The following PPARG variants were observed in gnomAD, a reference collection of about 807,000 sequenced individuals.
PPARG encodes peroxisome proliferator-activated receptor gamma.
PPARG carries 17 observed loss-of-function variants against 39.2 expected under a neutral mutation model. That is an observed-to-expected ratio of 0.43 (90% CI 0.30 to 0.65). PPARG has a LOEUF of 0.65. Among genes scored for constraint, PPARG ranks in the 30% least tolerant of loss-of-function variants. PPARG has a pLI of 0.13. For missense variants in PPARG, 406 were observed against 585.9 expected (o/e 0.69, Z 3.17); for synonymous variants, 223 against 215.7 (o/e 1.03, Z -0.30).
At chr3:12,290,930 C>T (rs1251356703) in intron 1 of PPARG, among the ~76,000 whole-genome samples, 1 of 152,188 alleles carries the variant, frequency 6.6e-6, no homozygotes, top group Non-Finnish European at 1.5e-5. Flanking sequence ...CTGGCCCACA[C>T]TTTCACTTCT....
chr3:12,299,770 A>G (rs907297500), intron 1 of PPARG, among the ~76,000 whole-genome samples: 1 of 152,194 alleles, frequency 6.6e-6, no homozygotes, highest in Non-Finnish European at 1.5e-5. Flanking sequence ...GTTCATGGAG[A>G]CTGTCCCATT....
intron 7 of PPARG, among the ~76,000 whole-genome samples, chr3:12,421,707 C>T (rs1229596520): frequency 1.3e-5 from 2 of 152,318 alleles, no homozygotes; most frequent in East Asian, 3.9e-4. Flanking sequence ...AGGCAAATTG[C>T]CATCGCCGTC....
chr3:12,313,794 T>A (rs2047315088), intron 2 of PPARG, among the ~76,000 whole-genome samples: 1 of 152,190 alleles, frequency 6.6e-6, no homozygotes, highest in Non-Finnish European at 1.5e-5. Flanking sequence ...TAATCTGATT[T>A]ATAAATAAAA....
rs117769811 is a variant in PPARG, at chr3:12,358,955, A to G, written c.-8-20749A>G. On this transcript the variant is annotated intron_variant, in intron 2 of 7. Coordinates refer to ENST00000651735, the MANE Select transcript of PPARG (RefSeq NM_138711.6). ...TGTACCTTTTTCTTGGGATTTCAAT[A>G]TGAATGACCATCCAAATCTTGATCA... is the stretch of plus-strand genomic sequence containing the variant. 2.6e-5 allele frequency among the ~76,000 whole-genome samples: 4 copies of G among 152,338 alleles called. No individual in the cohort carries two copies. The East Asian group carries it at 5.8e-4, about 22-fold the overall frequency.
intron 2 of PPARG, among the ~76,000 whole-genome samples, chr3:12,337,192 A>G (rs1013344445): frequency 3.3e-5 from 5 of 152,238 alleles, no homozygotes; most frequent in Non-Finnish European, 7.3e-5. Context: ...TCATTGTGTT[A>G]CAGCATAAGA....
intron 2 of PPARG, among the ~76,000 whole-genome samples, chr3:12,350,303 C>A (rs1198057363): frequency 6.6e-6 from 1 of 152,146 alleles, no homozygotes; most frequent in Non-Finnish European, 1.5e-5. Flanking sequence ...TCAACTCCCC[C>A]ACTTTATTCC....
chr3:12,343,540 A>G (rs1214112064), intron 2 of PPARG, among the ~76,000 whole-genome samples: 1 of 152,202 alleles, frequency 6.6e-6, no homozygotes, highest in African/African-American at 2.4e-5. Flanking sequence ...GCCTCAAGTC[A>G]GTGGCGAGTA....
chr3:12,302,630 T>A (rs1350227490), intron 1 of PPARG, among the ~76,000 whole-genome samples: 1 of 152,016 alleles, frequency 6.6e-6, no homozygotes, highest in Non-Finnish European at 1.5e-5. Flanking sequence ...TAAGGGAAGG[T>A]TTGCAGAGAT....
At position 12,339,787 on chromosome 3, in the gene PPARG, A is replaced by C. The variant is rs145624937; in HGVS notation, c.-9+27334A>C. Among the ~76,000 whole-genome samples, 24 of 152,312 alleles carry C rather than the reference A, an allele frequency of 1.6e-4. No homozygotes were observed. The East Asian group carries it at 4.4e-3, about 28-fold the overall frequency. ...TTGCACACATGAGAGTCGCATCCTC[A>C]CATTTCTGTTATCTGTGAATCTCTA... On this transcript the variant is annotated intron_variant, in intron 2 of 7. Transcript: ENST00000651735.
intron 7 of PPARG, among the ~76,000 whole-genome samples, chr3:12,429,041 G>A (rs1301442392): frequency 6.6e-6 from 1 of 152,206 alleles, no homozygotes. Context: ...TGTAGAATAT[G>A]CAACTTTTCT....
intron 1 of PPARG, among the ~76,000 whole-genome samples, chr3:12,298,410 C>A (rs1559483749): frequency 6.7e-6 from 1 of 150,020 alleles, no homozygotes; most frequent in Non-Finnish European, 1.5e-5. Context: ...TAGACACACA[C>A]ACACACACAC....
At position 12,420,609 on chromosome 3, in the gene PPARG, C is replaced by T. The variant is rs768340935; in HGVS notation, c.1180+3455C>T. Among the ~76,000 whole-genome samples, 15 of 146,106 alleles carry T rather than the reference C, an allele frequency of 1.0e-4. No individual in the cohort carries two copies. In the South Asian group the frequency reaches 2.1e-3, roughly 20 times the overall value. On this transcript the variant is annotated intron_variant, in intron 7 of 7. Coordinates refer to ENST00000651735, the MANE Select transcript of PPARG (RefSeq NM_138711.6). ...CTAAAAGAAAGATGAGCAAGATGTG[C>T]GTCATCTAAGAGTGGGCGGGGGTAA...
intron 7 of PPARG, among the ~76,000 whole-genome samples, chr3:12,425,727 A>T (rs984644286): frequency 3.9e-5 from 6 of 152,168 alleles, no homozygotes; most frequent in African/African-American, 1.2e-4. Context: ...GGGACTGCAG[A>T]TGGCTCCCCT....
chr3:12,343,182 G>A (rs778177165), intron 2 of PPARG, among the ~76,000 whole-genome samples: 4 of 152,092 alleles, frequency 2.6e-5, no homozygotes, highest in African/African-American at 4.8e-5. Context: ...ATCCCAAAAC[G>A]TCCCACAGGT....
intron 1 of PPARG, among the ~76,000 whole-genome samples, chr3:12,294,281 C>G (rs1431779574): frequency 6.6e-6 from 1 of 152,194 alleles, no homozygotes; most frequent in Non-Finnish European, 1.5e-5. Context: ...AGTCGCAGAT[C>G]TTCCTTGAAC....
At position 12,392,674 on chromosome 3, in the gene PPARG, C is replaced by G. The variant is rs753857970; in HGVS notation, c.451C>G (p.Arg151Gly). Residue 151 changes from arginine to glycine, a missense_variant, in exon 5 of 8, where the codon CGG (arginine) becomes GGG (glycine). Arg to Gly is a moderately radical substitution (Grantham distance 125, BLOSUM62 -2). Coordinates refer to ENST00000651735, the MANE Select transcript of PPARG (RefSeq NM_138711.6). The part of the protein sequence containing the change: ...LIYDRCDLNC[R>G]IHKKSRNKCQ... ...CTATGACAGATGTGATCTTAACTGT[C>G]GGATCCACAAAAAAAGTAGAAATAA... The G allele has an allele frequency of 1.2e-6, 2 of 1,613,736 alleles. No individual in the cohort carries two copies. The highest frequency in any genetic ancestry group is 1.7e-6 in the Non-Finnish European group (2 of 1,179,762).
At chr3:12,370,803 CATATGT>C (rs939620886) in intron 2 of PPARG, among the ~76,000 whole-genome samples, 2 of 152,136 alleles carry the variant, frequency 1.3e-5, no homozygotes, top group African/African-American at 4.8e-5. Flanking sequence ...ACATTATTAA[CATATGT>C]ATAACACAGT....
At chr3:12,355,973 T>A (rs956173196) in intron 2 of PPARG, among the ~76,000 whole-genome samples, 1 of 152,222 alleles carries the variant, frequency 6.6e-6, no homozygotes, top group Admixed American at 6.5e-5. Flanking sequence ...TTCATAGCTC[T>A]TTCGTTAGGT....
At chr3:12,298,721 A>C (rs1299439162) in intron 1 of PPARG, among the ~76,000 whole-genome samples, 1 of 152,256 alleles carries the variant, frequency 6.6e-6, no homozygotes, top group Admixed American at 6.5e-5. Context: ...ACTTCAGCTA[A>C]CAATATTTAG....
Sources: allele counts gnomAD v4.1 joint callset (sites outside exome capture counted in the v4.1 genomes callset), GRCh38; gene constraint gnomAD v4.1.1; transcripts MANE v1.5; gene names NCBI Gene and HGNC (gene_info 2026-07-23, HGNC 2026-07-21).